Variants in ARL15 observed in about 807,000 individuals in gnomAD.
ARL15 encodes the protein ADP-ribosylation factor-like protein 15.
A neutral mutation model predicts 25.2 loss-of-function variants in ARL15; 19 were observed. The ratio of observed to expected loss-of-function variants is 0.75; its 90% CI spans 0.53 to 1.10. The LOEUF is 1.10. Ranked by LOEUF, ARL15 falls within the 50% of genes least tolerant of loss-of-function variation. ARL15 has a pLI of 0.00. For missense variants in ARL15, 220 were observed against 246.0 expected (o/e 0.89, Z 0.71); for synonymous variants, 94 against 86.8 (o/e 1.08, Z -0.46).
chr5:54,096,098 A>G (rs952953516), intron 4 of ARL15, among the ~76,000 whole-genome samples: 2 of 152,142 alleles, frequency 1.3e-5, no homozygotes, highest in African/African-American at 4.8e-5. Context: ...ATAATACCAC[A>G]TTTCCCAGAA....
chr5:53,915,380 G>A (rs1745606718), intron 4 of ARL15, among the ~76,000 whole-genome samples: 1 of 152,176 alleles, frequency 6.6e-6, no homozygotes, highest in Non-Finnish European at 1.5e-5. Context: ...GGGTGAAAAA[G>A]ATAATAATTA....
chr5:54,193,684 T>C (rs1039208331), intron 1 of ARL15, among the ~76,000 whole-genome samples: 2 of 151,866 alleles, frequency 1.3e-5, no homozygotes, highest in Non-Finnish European at 2.9e-5. Context: ...CTTGGGGACC[T>C]GTGCTCTAAT....
At chr5:54,288,861 T>C (rs1400970163) in intron 1 of ARL15, among the ~76,000 whole-genome samples, 1 of 152,130 alleles carries the variant, frequency 6.6e-6, no homozygotes, top group East Asian at 1.9e-4. Flanking sequence ...AAAAACTGAA[T>C]ATAGGCACCA....
At chr5:54,027,100 G>T (rs1749805986) in intron 4 of ARL15, among the ~76,000 whole-genome samples, 1 of 152,164 alleles carries the variant, frequency 6.6e-6, no homozygotes, top group African/African-American at 2.4e-5. Flanking sequence ...AAATGAGTGG[G>T]TTTGTGGTGT....
At chr5:53,912,242 G>A (rs1276403465) in intron 4 of ARL15, 2 of 152,114 alleles carry the variant, frequency 1.3e-5, no homozygotes, top group Non-Finnish European at 2.9e-5. Context: ...AGCTTAGACA[G>A]GTTAAAGAAT....
In ARL15 at chr5:54,283,938, C is replaced by T. The variant is rs1309762307; in HGVS notation, c.48+26494G>A. Among the ~76,000 whole-genome samples, 5 of 152,224 alleles carry T rather than the reference C, an allele frequency of 3.3e-5. No homozygotes were observed. In the South Asian group the frequency reaches 1.0e-3, roughly 32 times the overall value. On this transcript the variant is annotated intron_variant, in intron 1 of 4. Coordinates refer to ENST00000504924, the MANE Select transcript of ARL15 (RefSeq NM_019087.3). ...TTCCTACTTCTTTTCCAGGCTGTAA[C>T]GGAGACTTAATGTAGCTCCAGTGAC...
chr5:54,202,691 G>A (rs1375047460), intron 1 of ARL15, among the ~76,000 whole-genome samples: 2 of 152,058 alleles, frequency 1.3e-5, no homozygotes. Context: ...CAAGTGGGAT[G>A]CCAAAAAATG....
At position 54,035,172 on chromosome 5, in the gene ARL15, T is replaced by G. The variant is rs148319862; in HGVS notation, c.462+78030A>C. On this transcript the variant is annotated intron_variant, in intron 4 of 4. Coordinates refer to ENST00000504924, the MANE Select transcript of ARL15 (RefSeq NM_019087.3). ...AGTTCAGAGACATACTGAATCATAT[T>G]CCTCAGTTATCAGCAAGTGCTTTTG... Among the ~76,000 whole-genome samples, 10 of 152,286 alleles carry G rather than the reference T, an allele frequency of 6.6e-5. No homozygotes were observed. The East Asian group carries it at 1.5e-3, about 24-fold the overall frequency.
chr5:54,112,584 T>G (rs1308201696), intron 4 of ARL15, among the ~76,000 whole-genome samples: 1 of 152,232 alleles, frequency 6.6e-6, no homozygotes, highest in Non-Finnish European at 1.5e-5. Flanking sequence ...TGCAGTACCA[T>G]GAATCACAAG....
At chr5:54,252,207 A>G (rs572071616) in intron 1 of ARL15, among the ~76,000 whole-genome samples, 1 of 152,288 alleles carries the variant, frequency 6.6e-6, no homozygotes, top group East Asian at 1.9e-4. Flanking sequence ...AATGCATTTA[A>G]CATTTAGTAA....
chr5:54,110,815 T>A (rs1382414133), intron 4 of ARL15, among the ~76,000 whole-genome samples: 1 of 152,060 alleles, frequency 6.6e-6, no homozygotes, highest in East Asian at 1.9e-4. Context: ...GATTTTAAAG[T>A]TATTGTTTAC....
At chr5:54,254,400 G>A (rs975946598) in intron 1 of ARL15, among the ~76,000 whole-genome samples, 3 of 152,166 alleles carry the variant, frequency 2.0e-5, no homozygotes, top group African/African-American at 4.8e-5. Context: ...ATTTTGAGGT[G>A]TCACAGGAAG....
intron 4 of ARL15, chr5:54,067,257 G>A (rs1246350369): frequency 6.6e-6 from 1 of 152,636 alleles, no homozygotes; most frequent in African/African-American, 2.4e-5. Context: ...TGGGAAGAGA[G>A]ATTTTTCTGA....
rs574578331 is a variant in ARL15, at chr5:54,099,816, A to C, written c.462+13386T>G. Among the ~76,000 whole-genome samples, 7 of 152,246 alleles carry C rather than the reference A, an allele frequency of 4.6e-5. No individual in the cohort carries two copies. The South Asian group carries it at 1.4e-3, about 32-fold the overall frequency. On this transcript the variant is annotated intron_variant, in intron 4 of 4. Coordinates refer to ENST00000504924, the MANE Select transcript of ARL15 (RefSeq NM_019087.3). ...CCATTCACTACAAGGTAGGTTCTAG[A>C]ATTAGCCCCATTTTACAGATGAGAA...
chr5:54,049,814 T>G (rs1002958790), intron 4 of ARL15, among the ~76,000 whole-genome samples: 31 of 152,084 alleles, frequency 2.0e-4, no homozygotes, highest in African/African-American at 7.5e-4. Flanking sequence ...TCAAGTGATC[T>G]TCCCACCTAA....
At chr5:54,154,397 G>A in intron 3 of ARL15, 183 bp downstream of exon 3, 1 of 510,602 alleles carries the variant, frequency 2.0e-6, no homozygotes, top group Non-Finnish European at 3.4e-6. Context: ...ATGTTACTTA[G>A]AACTCTTCAA....
At chr5:54,002,140 T>C (rs1347095610) in intron 4 of ARL15, among the ~76,000 whole-genome samples, 1 of 145,950 alleles carries the variant, frequency 6.9e-6, no homozygotes, top group East Asian at 2.1e-4. Flanking sequence ...TTTTCCCATT[T>C]TGGCAAGCAT....
chr5:54,174,917 G>C (rs1486198906), intron 1 of ARL15, among the ~76,000 whole-genome samples: 3 of 152,204 alleles, frequency 2.0e-5, no homozygotes, highest in Non-Finnish European at 4.4e-5. Flanking sequence ...TTACTGGGCT[G>C]CGTTGGTCTT....
At chr5:54,023,470 T>C (rs1050821801) in intron 4 of ARL15, among the ~76,000 whole-genome samples, 2 of 151,808 alleles carry the variant, frequency 1.3e-5, no homozygotes, top group Non-Finnish European at 2.9e-5. Flanking sequence ...AAATACAGGA[T>C]TGACTCTAAA....
Sources: allele counts gnomAD v4.1 joint callset (sites outside exome capture counted in the v4.1 genomes callset), GRCh38; gene constraint gnomAD v4.1.1; transcripts MANE v1.5; gene names NCBI Gene and HGNC (gene_info 2026-07-23, HGNC 2026-07-21).